NKAIN2: variants seen among roughly 807,000 people sequenced by gnomAD.
NKAIN2 encodes sodium/potassium transporting ATPase interacting 2.
In NKAIN2, 14 loss-of-function variants were observed where a neutral mutation model predicts 32.6. The observed-to-expected ratio is 0.43, with a 90% CI of 0.28 to 0.67. The LOEUF (loss-of-function observed/expected upper bound fraction) is 0.67, where lower values mean the gene tolerates loss of function less well. Ranked by LOEUF, NKAIN2 falls within the 30% of genes least tolerant of loss-of-function variation. The probability of loss-of-function intolerance (pLI) is 0.17; values close to 1 mark genes in which losing one functional copy is unlikely to be tolerated. For missense variants in NKAIN2, 198 were observed against 258.3 expected, an observed-to-expected ratio of 0.77 and a Z score of 1.60; for synonymous variants, 80 against 87.2, an observed-to-expected ratio of 0.92 and a Z score of 0.46.
chr6:124,728,041 C>G (rs1489043518), intron 4 of NKAIN2, among the ~76,000 whole-genome samples: 2 of 151,704 alleles, frequency 1.3e-5, no homozygotes, highest in African/African-American at 2.4e-5. Flanking sequence ...AACACAGGAG[C>G]ACCCGGATTA....
At chr6:123,820,070 TATC>T (rs1327684696) in intron 1 of NKAIN2, among the ~76,000 whole-genome samples, 2 of 152,232 alleles carry the variant, frequency 1.3e-5, no homozygotes, top group African/African-American at 4.8e-5. Flanking sequence ...CGAATTTAGT[TATC>T]ATCAGCGTCC....
chr6:124,311,846 G>A (rs1178178231), intron 2 of NKAIN2, among the ~76,000 whole-genome samples: 1 of 152,066 alleles, frequency 6.6e-6, no homozygotes, highest in African/African-American at 2.4e-5. Context: ...TAAAAAATAT[G>A]TATTTTTTAG....
At chr6:124,037,775 A>T (rs1241011874) in intron 1 of NKAIN2, among the ~76,000 whole-genome samples, 2 of 152,130 alleles carry the variant, frequency 1.3e-5, no homozygotes, top group East Asian at 3.9e-4. Flanking sequence ...GATCCTTGAA[A>T]TTCTATAATT....
At chr6:124,158,926 C>A (rs189502659) in intron 1 of NKAIN2, among the ~76,000 whole-genome samples, 1 of 152,096 alleles carries the variant, frequency 6.6e-6, no homozygotes, top group African/African-American at 2.4e-5. Flanking sequence ...ATCTCCCAGC[C>A]GTGCCACGTA....
chr6:124,342,904 A>G (rs1319058214), intron 2 of NKAIN2, among the ~76,000 whole-genome samples: 1 of 151,510 alleles, frequency 6.6e-6, no homozygotes, highest in South Asian at 2.1e-4. Context: ...ATATGTATAC[A>G]TGTGCCATGT....
At chr6:124,701,460 A>G (rs557842010) in intron 4 of NKAIN2, among the ~76,000 whole-genome samples, 26 of 152,240 alleles carry the variant, frequency 1.7e-4, no homozygotes, top group African/African-American at 6.3e-4. Flanking sequence ...TTCTCTGTCA[A>G]CTAAAAAGTT....
chr6:124,397,369 A>T (rs1773425472), intron 3 of NKAIN2, among the ~76,000 whole-genome samples: 1 of 152,138 alleles, frequency 6.6e-6, no homozygotes, highest in African/African-American at 2.4e-5. Context: ...AGTGCTTACC[A>T]ATAATGATGA....
chr6:124,273,613 T>G (rs1794902673), intron 1 of NKAIN2, among the ~76,000 whole-genome samples: 1 of 152,226 alleles, frequency 6.6e-6, no homozygotes, highest in African/African-American at 2.4e-5. Flanking sequence ...CATCTCATCA[T>G]TGATTTGGGT....
intron 2 of NKAIN2, among the ~76,000 whole-genome samples, chr6:124,325,213 T>C (rs1797363930): frequency 6.6e-6 from 1 of 152,082 alleles, no homozygotes; most frequent in Non-Finnish European, 1.5e-5. Flanking sequence ...GCACCAAAGG[T>C]TCAATGTAGA....
intron 2 of NKAIN2, among the ~76,000 whole-genome samples, chr6:124,289,373 G>A (rs919904630): frequency 6.6e-6 from 1 of 151,680 alleles, no homozygotes; most frequent in Non-Finnish European, 1.5e-5. Flanking sequence ...AGTGTCACCT[G>A]CTTTGACTTC....
intron 4 of NKAIN2, among the ~76,000 whole-genome samples, chr6:124,718,643 T>C (rs1311619728): frequency 6.6e-6 from 1 of 152,202 alleles, no homozygotes; most frequent in East Asian, 1.9e-4. Context: ...CTTCACAGTC[T>C]ACACACAATC....
chr6:124,111,170 G>A (rs775140828), intron 1 of NKAIN2, among the ~76,000 whole-genome samples: 3 of 152,110 alleles, frequency 2.0e-5, no homozygotes, highest in African/African-American at 4.8e-5. Flanking sequence ...TGTCTGAGAA[G>A]AGTGTGTATT....
At chr6:123,972,784 T>C (rs192404830) in intron 1 of NKAIN2, among the ~76,000 whole-genome samples, 1 of 152,212 alleles carries the variant, frequency 6.6e-6, no homozygotes, top group East Asian at 1.9e-4. Flanking sequence ...CTTCCAGGAA[T>C]AGATTCCCTT....
At chr6:124,560,343 T>G (rs1780643200) in intron 3 of NKAIN2, among the ~76,000 whole-genome samples, 1 of 152,208 alleles carries the variant, frequency 6.6e-6, no homozygotes. Flanking sequence ...CTTCCCCTTC[T>G]GCCATGATTG....
At chr6:124,408,423 A>C (rs1303383313) in intron 3 of NKAIN2, among the ~76,000 whole-genome samples, 3 of 152,204 alleles carry the variant, frequency 2.0e-5, no homozygotes, top group Non-Finnish European at 4.4e-5. Context: ...ATGACTAGCC[A>C]GTTTTCCCAG....
chr6:124,606,413 CTTA>C (rs1172159066), intron 3 of NKAIN2, among the ~76,000 whole-genome samples: 1 of 151,910 alleles, frequency 6.6e-6, no homozygotes, highest in African/African-American at 2.4e-5. Context: ...GCTCATTGCA[CTTA>C]TTTAGTAATA....
chr6:124,740,777 T>C (rs1158138666), intron 4 of NKAIN2, among the ~76,000 whole-genome samples: 1 of 151,700 alleles, frequency 6.6e-6, no homozygotes. Context: ...GAGAACAAAT[T>C]TGGAGAAGAA....
chr6:123,909,824 G>A (rs1429255242), intron 1 of NKAIN2, among the ~76,000 whole-genome samples: 1 of 152,110 alleles, frequency 6.6e-6, no homozygotes, highest in African/African-American at 2.4e-5. Context: ...CACAGGGTAG[G>A]AATTCTGTTT....
chr6:123,810,646 CT>C (rs35365993), intron 1 of NKAIN2, among the ~76,000 whole-genome samples: 1,844 of 145,898 alleles, frequency 0.013, 25 homozygotes, highest in African/African-American at 0.034. Flanking sequence ...AAAATATATT[CT>C]TTTTTTTTTT....
Sources: gnomAD v4.1 joint callset for allele counts (sites outside exome capture counted in the v4.1 genomes callset) on GRCh38, gnomAD v4.1.1 for gene constraint, MANE v1.5 for transcripts, NCBI Gene and HGNC (gene_info 2026-07-23, HGNC 2026-07-21) for gene names.